The following DMD variants were observed in gnomAD, a reference collection of about 807,000 sequenced individuals.
DMD encodes the protein dystrophin, also known as mutant dystrophin.
A neutral mutation model predicts 330.1 loss-of-function variants in DMD; 63 were observed. That is an observed-to-expected ratio of 0.19 (90% CI 0.16 to 0.24). The LOEUF is 0.24. Among genes scored for constraint, DMD ranks in the 10% least tolerant of loss-of-function variants. The pLI is 1.00. For synonymous variants in DMD, 1,223 were observed against 959.8 expected (o/e 1.27, Z -5.07); for missense variants, 3,344 against 2,684.1 (o/e 1.25, Z -5.43).
intron 23 of DMD, among the ~76,000 whole-genome samples, chrX:32,465,428 C>A (rs1160705738): frequency 9.0e-6 from 1 of 110,664 alleles, no homozygotes; most frequent in Non-Finnish European, 1.9e-5. Flanking sequence ...CAGAAAGTTT[C>A]CCCTTTAATG....
chrX:32,033,739 C>T (rs1168884481), intron 44 of DMD, among the ~76,000 whole-genome samples: 1 of 110,545 alleles, frequency 9.0e-6, no homozygotes, highest in African/African-American at 3.3e-5. Flanking sequence ...AATTCTAAAT[C>T]GAATCTAGAT....
intron 74 of DMD, among the ~76,000 whole-genome samples, chrX:31,159,183 C>T (rs764705541): frequency 4.5e-5 from 5 of 111,824 alleles, no homozygotes; most frequent in Non-Finnish European, 9.4e-5. Context: ...TTGAAGAGCT[C>T]ACATTCTAGA....
At chrX:32,758,611 G>A (rs779325317) in intron 7 of DMD, among the ~76,000 whole-genome samples, 21 of 111,539 alleles carry the variant, frequency 1.9e-4, no homozygotes, top group Middle Eastern at 9.2e-3. Context: ...CCCCTTAACT[G>A]TCAGTGGTCA....
Position 32,287,684 on chromosome X carries a change from T to C in DMD, c.6135A>G (p.Leu2045=), listed in dbSNP as rs746742039. 1 of 1,202,245 alleles carries C rather than the reference T, an allele frequency of 8.3e-7. No individual in the cohort carries two copies. Among genetic ancestry groups the C allele is most frequent in the South Asian group, 1.8e-5 (1 of 55,716 alleles). The change falls in exon 43 of 79, where the codon CTA becomes CTG. Residue 2045 remains leucine, a synonymous_variant. Transcript: ENST00000357033. ...TGTCAATCCGACCTGAGCTTTGTTG[T>C]AGACTATCTTTTATATTCTGTAATA... ...EESLKNIKDS[L]QQSSGRIDII...
chrX:31,361,256 TACC>T (rs1411774027), intron 60 of DMD, among the ~76,000 whole-genome samples: 1 of 111,557 alleles, frequency 9.0e-6, no homozygotes, highest in East Asian at 2.8e-4. Flanking sequence ...TTTAATCATT[TACC>T]AGGACTTAAA....
chrX:33,254,710 A>T (rs2052826941), intron 1 of DMD, among the ~76,000 whole-genome samples: 1 of 110,930 alleles, frequency 9.0e-6, no homozygotes, highest in Admixed American at 9.7e-5. Flanking sequence ...AAATAATAAG[A>T]GTTATTAAAA....
chrX:31,508,094 T>G, intron 55 of DMD: 2 of 540,332 alleles, frequency 3.7e-6, no homozygotes, highest in Admixed American at 6.2e-5. Context: ...ATTTTTAGGC[T>G]TGACAGGTGG....
At chrX:32,824,569 A>C (rs1034290114) in intron 4 of DMD, among the ~76,000 whole-genome samples, 1 of 111,915 alleles carries the variant, frequency 8.9e-6, no homozygotes. Context: ...AATAGAGAAC[A>C]GAATAGCAGT....
chrX:32,742,161 A>G (rs1478750127), intron 7 of DMD, among the ~76,000 whole-genome samples: 4 of 111,854 alleles, frequency 3.6e-5, no homozygotes, highest in African/African-American at 1.3e-4. Context: ...CTTTGGTAAC[A>G]GATAACACAC....
intron 44 of DMD, among the ~76,000 whole-genome samples, chrX:32,215,999 C>A (rs1243753833): frequency 8.9e-6 from 1 of 112,037 alleles, no homozygotes; most frequent in Admixed American, 9.5e-5. Flanking sequence ...AGAATGAAGA[C>A]TTGTAAAGTC....
chrX:32,326,453 C>T (rs1417974244), intron 41 of DMD, among the ~76,000 whole-genome samples: 1 of 112,614 alleles, frequency 8.9e-6, no homozygotes, highest in Non-Finnish European at 1.9e-5. Flanking sequence ...CATAAATAAG[C>T]ATATGTGTAA....
chrX:32,824,897 A>G (rs1344802063), intron 4 of DMD, among the ~76,000 whole-genome samples: 1 of 111,676 alleles, frequency 9.0e-6, no homozygotes, highest in Non-Finnish European at 1.9e-5. Context: ...ATTCAAGAAT[A>G]AGAAAGCATC....
intron 1 of DMD, among the ~76,000 whole-genome samples, chrX:33,221,944 G>C (rs1230476800): frequency 9.1e-6 from 1 of 109,971 alleles, no homozygotes; most frequent in Admixed American, 9.9e-5. Flanking sequence ...TTCTACAAAA[G>C]CAAACTTCTA....
rs60739281 is a variant in DMD at position 32,558,938 on chromosome X, C to CTTTTTT, written c.1992+6758_1992+6763dup. Among the ~76,000 whole-genome samples the CTTTTTT allele has an allele frequency of 1.7e-3, 84 of 50,812 alleles. 2 individuals carry two copies. Among genetic ancestry groups the CTTTTTT allele is most frequent in the African/African-American group, 3.3e-3 (32 of 9,737 alleles). 44.1% of individuals were successfully genotyped at this position (50,812 alleles called of 115,157 possible). ...TATTTGAGATGTAACTTCAAATTTT[C>CTTTTTT]TTTTTTTTTTTTTTTTTTTTTTTTT... is the stretch of plus-strand genomic sequence containing the variant. On this transcript the variant is annotated intron_variant, in intron 16 of 78. Coordinates refer to ENST00000357033, the MANE Select transcript of DMD (RefSeq NM_004006.3).
intron 76 of DMD, among the ~76,000 whole-genome samples, chrX:31,134,421 CTTTT>C (rs35286502): frequency 8.5e-4 from 68 of 79,614 alleles, no homozygotes; most frequent in East Asian, 1.1e-3. Context: ...AACTGTATAT[CTTTT>C]TTTTTTTTTT....
At chrX:31,409,833 GAGAT>G (rs10537997) in intron 60 of DMD, among the ~76,000 whole-genome samples, 19,801 of 110,231 alleles carry the variant, frequency 0.18, 2,038 homozygotes, top group African/African-American at 0.37. Context: ...TTATTTTTTT[GAGAT>G]AGATAGAGTC....
intron 45 of DMD, among the ~76,000 whole-genome samples, chrX:31,953,253 G>C: frequency 8.9e-6 from 1 of 112,196 alleles, no homozygotes; most frequent in Non-Finnish European, 1.9e-5. Flanking sequence ...TGCAACTTTA[G>C]GCCAGCTGAG....
chrX:31,647,336 T>C (rs2080165889), intron 54 of DMD, among the ~76,000 whole-genome samples: 2 of 111,963 alleles, frequency 1.8e-5, no homozygotes, highest in Admixed American at 9.5e-5. Context: ...CAGTTCCGTT[T>C]AAGCAGAGGT....
chrX:32,890,070 T>G (rs1157053940), intron 2 of DMD, among the ~76,000 whole-genome samples: 1 of 111,403 alleles, frequency 9.0e-6, no homozygotes, highest in Non-Finnish European at 1.9e-5. Context: ...TAGATCCTTA[T>G]GTGGGGATTT....
Sources: gnomAD v4.1 joint callset for allele counts (sites outside exome capture counted in the v4.1 genomes callset) on GRCh38, gnomAD v4.1.1 for gene constraint, MANE v1.5 for transcripts, NCBI Gene and HGNC (gene_info 2026-07-23, HGNC 2026-07-21) for gene names.